The following FLT1 variants were observed in gnomAD, a reference collection of about 807,000 sequenced individuals.
FLT1 encodes the protein vascular endothelial growth factor receptor 1.
Under a neutral mutation model 156.3 loss-of-function variants are expected in FLT1, and 49 were observed. The ratio of observed to expected loss-of-function variants is 0.31; its 90% confidence interval spans 0.25 to 0.40. The LOEUF (loss-of-function observed/expected upper bound fraction) is 0.40, where lower values mean the gene tolerates loss of function less well. FLT1 is among the 10% of genes least tolerant of loss of function. The probability of loss-of-function intolerance (pLI) is 1.00; values close to 1 mark genes in which losing one functional copy is unlikely to be tolerated. For missense variants in FLT1, 1,322 were observed against 1,637.2 expected (o/e 0.81, Z 3.32); for synonymous variants, 594 against 583.8 (o/e 1.02, Z -0.25).
At chr13:28,493,170 C>T (rs1413867738) in intron 1 of FLT1, among the ~76,000 whole-genome samples, 4 of 151,856 alleles carry the variant, frequency 2.6e-5, no homozygotes, top group African/African-American at 4.8e-5. Flanking sequence ...CGTACTTTTC[C>T]CTCCGTAATT....
At chr13:28,415,016 C>A (rs754782375) in intron 10 of FLT1, among the ~76,000 whole-genome samples, 1 of 152,304 alleles carries the variant, frequency 6.6e-6, no homozygotes, top group East Asian at 1.9e-4. Context: ...CTCAGCACAG[C>A]AGTGTCAGCA....
intron 1 of FLT1, among the ~76,000 whole-genome samples, chr13:28,477,960 CTAAA>C (rs1318811158): frequency 6.6e-6 from 1 of 152,162 alleles, no homozygotes; most frequent in African/African-American, 2.4e-5. Context: ...GTATGTGAGA[CTAAA>C]TATACAGGTG....
intron 10 of FLT1, among the ~76,000 whole-genome samples, chr13:28,414,339 G>T (rs1191893297): frequency 6.6e-6 from 1 of 152,172 alleles, no homozygotes; most frequent in Non-Finnish European, 1.5e-5. Flanking sequence ...GCTTAGTTAT[G>T]TATTGTCCTT....
At chr13:28,470,978 A>G (rs1880142250) in intron 1 of FLT1, among the ~76,000 whole-genome samples, 1 of 152,148 alleles carries the variant, frequency 6.6e-6, no homozygotes, top group African/African-American at 2.4e-5. Flanking sequence ...GACGTGAGCC[A>G]CCGCGCCGCG....
chr13:28,489,353 A>G (rs1305586988), intron 1 of FLT1, among the ~76,000 whole-genome samples: 1 of 152,172 alleles, frequency 6.6e-6, no homozygotes, highest in East Asian at 1.9e-4. Context: ...TCCAACACTT[A>G]CCGAGAGTCT....
chr13:28,417,651 C>T (rs1407959634), intron 10 of FLT1, among the ~76,000 whole-genome samples: 1 of 142,862 alleles, frequency 7.0e-6, no homozygotes, highest in African/African-American at 2.5e-5. Flanking sequence ...AAAATTAAAT[C>T]TTTAACATTC....
chr13:28,317,644 G>A (rs750336526), intron 24 of FLT1, 47 bp from the exon 25 acceptor site: 2 of 1,231,084 alleles, frequency 1.6e-6, no homozygotes, highest in Non-Finnish European at 2.4e-6. Flanking sequence ...TGGCTTAAGG[G>A]TACAAAAGAC....
chr13:28,470,232 T>G, intron 1 of FLT1, among the ~76,000 whole-genome samples: 1 of 152,214 alleles, frequency 6.6e-6, no homozygotes, highest in Admixed American at 6.5e-5. Flanking sequence ...TAACTCATAC[T>G]TATCTTTATG....
intron 14 of FLT1, chr13:28,368,639 G>A (rs1474215556): frequency 9.9e-6 from 12 of 1,208,578 alleles, no homozygotes; most frequent in African/African-American, 3.0e-5. Flanking sequence ...TGACGATGAC[G>A]ATGGTGACGT....
chr13:28,475,142 T>C (rs1489972272), intron 1 of FLT1, among the ~76,000 whole-genome samples: 1 of 152,220 alleles, frequency 6.6e-6, no homozygotes, highest in East Asian at 1.9e-4. Flanking sequence ...CCCGTTACAA[T>C]CTTTTCAATT....
intron 8 of FLT1, among the ~76,000 whole-genome samples, chr13:28,428,487 A>C (rs66872829): frequency 0.12 from 18,620 of 150,848 alleles, 1,564 homozygotes; most frequent in South Asian, 0.37. Flanking sequence ...AAAAAAAAAA[A>C]CAGAAAGCAT....
At chr13:28,337,150 T>G (rs1387498894) in intron 17 of FLT1, among the ~76,000 whole-genome samples, 1 of 123,954 alleles carries the variant, frequency 8.1e-6, no homozygotes, top group Non-Finnish European at 1.7e-5. Flanking sequence ...GTGAGGAATC[T>G]TTTTTTTTTT....
chr13:28,334,522 C>A (rs931262869), intron 17 of FLT1, among the ~76,000 whole-genome samples: 13 of 152,148 alleles, frequency 8.5e-5, no homozygotes, highest in Non-Finnish European at 1.6e-4. Flanking sequence ...CATTTACAGT[C>A]ATTTTTCTCT....
intron 15 of FLT1, among the ~76,000 whole-genome samples, chr13:28,351,692 A>G (rs192795642): frequency 6.6e-6 from 1 of 152,334 alleles, no homozygotes; most frequent in Admixed American, 6.5e-5. Flanking sequence ...TTAAGTAAGG[A>G]TATTTAAATT....
At chr13:28,464,849 AGAT>A (rs899063289) in intron 3 of FLT1, among the ~76,000 whole-genome samples, 1 of 152,202 alleles carries the variant, frequency 6.6e-6, no homozygotes, top group Non-Finnish European at 1.5e-5. Flanking sequence ...AGAAAAAAAG[AGAT>A]GGTTTTCTTT....
intron 6 of FLT1, among the ~76,000 whole-genome samples, chr13:28,432,418 G>A (rs892781038): frequency 1.3e-5 from 2 of 152,142 alleles, no homozygotes; most frequent in African/African-American, 4.8e-5. Flanking sequence ...GTCCCCTAAC[G>A]TAACAGACTG....
intron 15 of FLT1, among the ~76,000 whole-genome samples, chr13:28,347,456 G>T (rs1872606628): frequency 6.6e-6 from 1 of 152,102 alleles, no homozygotes; most frequent in Admixed American, 6.6e-5. Context: ...AGGAGGCGGA[G>T]GTTGCAGTGA....
chr13:28,345,636 T>A, intron 15 of FLT1, 85 bp from the exon 16 acceptor site: 1 of 848,864 alleles, frequency 1.2e-6, no homozygotes. Flanking sequence ...AGAGGCTCAG[T>A]TTCCCTAAAT....
chr13:28,487,432 T>C (rs551400611), intron 1 of FLT1, among the ~76,000 whole-genome samples: 1 of 152,344 alleles, frequency 6.6e-6, no homozygotes, highest in East Asian at 1.9e-4. Context: ...ATAATTGTTG[T>C]AGCTCTGCCT....
Sources: allele counts gnomAD v4.1 joint callset (sites outside exome capture counted in the v4.1 genomes callset), GRCh38; gene constraint gnomAD v4.1.1; transcripts MANE v1.5; gene names NCBI Gene and HGNC (gene_info 2026-07-23, HGNC 2026-07-21).